MAD1L1: variants seen among roughly 807,000 people sequenced by gnomAD.
The protein encoded by MAD1L1 is mitotic spindle assembly checkpoint protein MAD1.
Under a neutral mutation model 96.9 loss-of-function variants are expected in MAD1L1, and 95 were observed. The observed-to-expected ratio is 0.98, with a 90% CI of 0.83 to 1.16. MAD1L1 has a LOEUF of 1.16. MAD1L1 is among the 50% of genes most tolerant of loss of function. The probability of loss-of-function intolerance (pLI) is 0.00; values close to 1 mark genes in which losing one functional copy is unlikely to be tolerated. For missense variants in MAD1L1, 1,007 were observed against 954.4 expected (o/e 1.06, Z -0.73); for synonymous variants, 473 against 396.6 (o/e 1.19, Z -2.29).
chr7:1,937,494 C>T (rs1778677707), intron 16 of MAD1L1, among the ~76,000 whole-genome samples: 1 of 152,186 alleles, frequency 6.6e-6, no homozygotes, highest in South Asian at 2.1e-4. Context: ...GAGGCCCAGC[C>T]TGCTGACCTG....
chr7:1,961,168 C>A (rs940117877), intron 15 of MAD1L1, among the ~76,000 whole-genome samples: 1 of 152,302 alleles, frequency 6.6e-6, no homozygotes, highest in African/African-American at 2.4e-5. Context: ...GTGTTGGGAA[C>A]GCACTTCTCC....
At chr7:2,217,594 G>C (rs1283828233) in intron 7 of MAD1L1, among the ~76,000 whole-genome samples, 1 of 152,256 alleles carries the variant, frequency 6.6e-6, no homozygotes, top group Non-Finnish European at 1.5e-5. Flanking sequence ...CACAGCCTGA[G>C]CTTGAGTCAG....
At chr7:1,956,237 C>G (rs1365179116) in intron 16 of MAD1L1, among the ~76,000 whole-genome samples, 1 of 152,102 alleles carries the variant, frequency 6.6e-6, no homozygotes, top group East Asian at 1.9e-4. Flanking sequence ...CCCTGGACGT[C>G]CCCCCACTAA....
intron 10 of MAD1L1, among the ~76,000 whole-genome samples, chr7:2,209,609 G>A (rs1041525805): frequency 1.3e-5 from 2 of 152,216 alleles, no homozygotes; most frequent in African/African-American, 4.8e-5. Context: ...AGGCCAGAGA[G>A]ACCCAAGGGA....
At chr7:1,854,420 G>C in intron 18 of MAD1L1, 1 of 457,600 alleles carries the variant, frequency 2.2e-6, no homozygotes, top group Non-Finnish European at 4.4e-6. Context: ...CTCGTAAACA[G>C]AGTTCACTTC....
chr7:1,879,113 G>C (rs1390751205), intron 18 of MAD1L1, among the ~76,000 whole-genome samples: 1 of 152,152 alleles, frequency 6.6e-6, no homozygotes, highest in Non-Finnish European at 1.5e-5. Context: ...GCTGGGAGAA[G>C]GTAAAGACCT....
At chr7:2,057,870 C>A (rs1037439506) in intron 12 of MAD1L1, among the ~76,000 whole-genome samples, 1 of 152,210 alleles carries the variant, frequency 6.6e-6, no homozygotes, top group Non-Finnish European at 1.5e-5. Context: ...ATTACCAAAG[C>A]GCCCGTCACA....
At chr7:1,957,338 C>T (rs889612011) in intron 16 of MAD1L1, among the ~76,000 whole-genome samples, 3 of 152,224 alleles carry the variant, frequency 2.0e-5, no homozygotes, top group Admixed American at 6.5e-5. Context: ...AGTCCAGCCT[C>T]GCCACAGCAG....
At chr7:2,144,331 A>G (rs1200952432) in intron 11 of MAD1L1, among the ~76,000 whole-genome samples, 1 of 152,200 alleles carries the variant, frequency 6.6e-6, no homozygotes. Flanking sequence ...ATCGTCATTC[A>G]TCGCCGGGAT....
chr7:1,822,038 C>G (rs968065624), intron 18 of MAD1L1, among the ~76,000 whole-genome samples: 2 of 152,102 alleles, frequency 1.3e-5, no homozygotes, highest in African/African-American at 4.8e-5. Flanking sequence ...CTGCAGAAAA[C>G]TCCTAGAATG....
At chr7:2,216,326 G>A in intron 7 of MAD1L1, 39 bp from the exon 8 acceptor site, 1 of 1,598,422 alleles carries the variant, frequency 6.3e-7, no homozygotes. Context: ...GGAAAAATGA[G>A]CCACGAAGAG....
intron 17 of MAD1L1, among the ~76,000 whole-genome samples, chr7:1,931,012 C>T (rs1334789268): frequency 6.0e-5 from 9 of 151,092 alleles, no homozygotes; most frequent in Admixed American, 2.6e-4. Flanking sequence ...AGCGAGGGCG[C>T]GTCGTGGGGT....
chr7:2,136,158 G>A (rs866313814), intron 11 of MAD1L1, among the ~76,000 whole-genome samples: 8 of 152,176 alleles, frequency 5.3e-5, no homozygotes, highest in African/African-American at 1.7e-4. Flanking sequence ...CAGACTCTGC[G>A]CAACTGTGTT....
At position 1,816,147 on chromosome 7, in the gene MAD1L1, G is replaced by A. The variant is rs181112295; in HGVS notation, c.2080C>T (p.Leu694=). ...HTVGELIEVH[L]RRQDSIPAFL... ...GCAGGGATGCTGTCCTGGCGCCGCA[G>A]GTGCACCTCGATGAGCTCGCCCACG... Residue 694 remains leucine (L), a synonymous_variant, in exon 19 of 19, where the codon CTG becomes TTG. Transcript: ENST00000265854. The A allele has an allele frequency of 8.6e-4, 1,391 of 1,613,326 alleles. 12 individuals are homozygous for A. The African/African-American group carries it at 0.017, about 19-fold the overall frequency.
At chr7:1,890,281 G>T (rs958847078) in intron 18 of MAD1L1, among the ~76,000 whole-genome samples, 8 of 152,190 alleles carry the variant, frequency 5.3e-5, no homozygotes, top group Non-Finnish European at 1.2e-4. Context: ...ATGGGGAGGA[G>T]GTGTCTGCGT....
intron 11 of MAD1L1, among the ~76,000 whole-genome samples, chr7:2,144,471 G>A (rs940951545): frequency 1.3e-5 from 2 of 152,112 alleles, no homozygotes. Flanking sequence ...ATGGCCCCAC[G>A]CATCCCTGCC....
In MAD1L1 at chr7:1,816,106, G is replaced by T. The variant is rs554973354; in HGVS notation, c.2121C>A (p.Leu707=). The change falls in exon 19 of 19, where the codon CTC becomes CTA. Residue 707 remains leucine (L), a synonymous_variant. Coordinates refer to ENST00000265854, the MANE Select transcript of MAD1L1 (RefSeq NM_001013836.2). ...TCTGGCGGCTGAAGAGCTCGAGGGTGAGCGAGCTGAGGAAGGCAGGGATGC... is the reference window on the plus strand; with the variant it reads ...TCTGGCGGCTGAAGAGCTCGAGGGTTAGCGAGCTGAGGAAGGCAGGGATGC... The part of the protein sequence containing the change: ...QDSIPAFLSS[L]TLELFSRQTV... The T allele has an allele frequency of 8.1e-6, 13 of 1,612,532 alleles. No homozygotes were observed. Among genetic ancestry groups the T allele is most frequent in the Non-Finnish European group, 1.1e-5 (13 of 1,179,728 alleles).
chr7:2,038,702 CAG>C (rs1783550602), intron 12 of MAD1L1, among the ~76,000 whole-genome samples: 1 of 149,450 alleles, frequency 6.7e-6, no homozygotes, highest in Admixed American at 6.7e-5. Context: ...TTAGTAGAGA[CAG>C]GGTTTCACCA....
At chr7:1,961,424 T>C (rs1779945932) in intron 15 of MAD1L1, among the ~76,000 whole-genome samples, 1 of 151,966 alleles carries the variant, frequency 6.6e-6, no homozygotes, top group Non-Finnish European at 1.5e-5. Flanking sequence ...AGTCCAGAAA[T>C]AGGAGCACAA....
Sources: allele counts gnomAD v4.1 joint callset (sites outside exome capture counted in the v4.1 genomes callset), GRCh38; gene constraint gnomAD v4.1.1; transcripts MANE v1.5; gene names NCBI Gene and HGNC (gene_info 2026-07-23, HGNC 2026-07-21).